The following BMP1 variants were observed in gnomAD, a reference collection of about 807,000 sequenced individuals.
The protein encoded by BMP1 is bone morphogenetic protein 1.
A neutral mutation model predicts 116.8 loss-of-function variants in BMP1; 63 were observed. The ratio of observed to expected loss-of-function variants is 0.54; its 90% CI spans 0.44 to 0.67. The LOEUF (loss-of-function observed/expected upper bound fraction) is 0.67. BMP1 is among the 30% of genes least tolerant of loss of function. The pLI, the probability that BMP1 is intolerant of heterozygous loss-of-function variation, is 0.00. For synonymous variants in BMP1, 536 were observed against 533.4 expected, an observed-to-expected ratio of 1.00 and a Z score of -0.07; for missense variants, 1,183 against 1,358.9, an observed-to-expected ratio of 0.87 and a Z score of 2.04.
chr8:22,204,309 C>T (rs147749168), intron 16 of BMP1, among the ~76,000 whole-genome samples: 124 of 152,306 alleles, frequency 8.1e-4, no homozygotes, highest in Non-Finnish European at 1.4e-3. Context: ...CCCTGTTTTC[C>T]GGGCCCTCGT....
Position 22,207,505 on chromosome 8 carries a change from C to G in BMP1, c.2564C>G (p.Ser855Cys). ...NSVQRKGFQA[S>C]HATECGGQVR... ...GTCCAGCGAAAGGGCTTCCAGGCCT[C>G]CCACGCCACAGGTACTGTCCCCGGT... The change falls in exon 18 of 20, where the codon TCC (serine) becomes TGC (cysteine). Residue 855 changes from serine to cysteine, a missense_variant. This residue lies in a region of BMP1 where 956 missense variants were observed against 1,135.2 expected (regional missense o/e 0.84). Transcript: ENST00000306385. 1 of 1,613,360 alleles carries G rather than the reference C, an allele frequency of 6.2e-7. No homozygotes were observed. Among genetic ancestry groups the G allele is most frequent in the Non-Finnish European group, 8.5e-7 (1 of 1,180,002 alleles).
intron 1 of BMP1, among the ~76,000 whole-genome samples, chr8:22,169,153 C>T (rs1330948910): frequency 1.3e-5 from 2 of 148,374 alleles, no homozygotes; most frequent in African/African-American, 5.0e-5. Flanking sequence ...TGCCGCTGCA[C>T]TCTAGTCTGG....
intron 16 of BMP1, among the ~76,000 whole-genome samples, chr8:22,204,286 G>A (rs1301298611): frequency 6.6e-6 from 1 of 152,170 alleles, no homozygotes; most frequent in East Asian, 1.9e-4. Flanking sequence ...CCTCTACCAG[G>A]GACTTGAGAG....
chr8:22,168,489 C>T (rs567519139), intron 1 of BMP1, among the ~76,000 whole-genome samples: 9 of 152,180 alleles, frequency 5.9e-5, no homozygotes, highest in Non-Finnish European at 1.0e-4. Flanking sequence ...AGAAGCATGT[C>T]ACACCCAGAG....
rs1338670952 is a variant in BMP1 at position 22,184,155 on chromosome 8, A to G, written c.1077+3672A>G. Among the ~76,000 whole-genome samples the G allele has an allele frequency of 2.0e-5, 3 of 152,366 alleles. 1 individual carries two copies. Among genetic ancestry groups the G allele is most frequent in the Middle Eastern group, 3.4e-3 (1 of 294 alleles). On this transcript the variant is annotated intron_variant, in intron 8 of 19. Transcript: ENST00000306385. ...GCACTGGGTCAGCCACCAGGGATGT[A>G]CAGATGCACAAGACGGTCCCTGGCC...
intron 2 of BMP1, among the ~76,000 whole-genome samples, chr8:22,175,683 G>A (rs968401367): frequency 2.0e-5 from 3 of 152,072 alleles, no homozygotes; most frequent in South Asian, 2.1e-4. Context: ...CTCATGCCTC[G>A]AAGAAGCTTA....
chr8:22,173,515 T>G (rs1458691864), intron 1 of BMP1, 87 bp from the exon 2 acceptor site: 4 of 910,538 alleles, frequency 4.4e-6, no homozygotes, highest in Non-Finnish European at 6.6e-6. Context: ...TGGGGGCTGG[T>G]GCCCACAGGG....
rs1186747132 is a variant in BMP1, at chr8:22,172,235, A to G, written c.149-1367A>G. Among the ~76,000 whole-genome samples the G allele has an allele frequency of 2.6e-5, 4 of 152,264 alleles. No homozygotes were observed. The East Asian group carries it at 7.7e-4, about 29-fold the overall frequency. On this transcript the variant is annotated intron_variant, in intron 1 of 19. Coordinates refer to ENST00000306385, the MANE Select transcript of BMP1 (RefSeq NM_006129.5). ...CTGCAGGGAAGCTGCTGTGGGTCCC[A>G]CCTGTAGCCCAGCCTCCCACTTCCC...
At chr8:22,175,995 T>C (rs933307790) in intron 2 of BMP1, 148 bp from the exon 3 acceptor site, 7 of 819,732 alleles carry the variant, frequency 8.5e-6, no homozygotes, top group Middle Eastern at 6.1e-4. Context: ...GTGAAAGCCC[T>C]GAGAGTATTG....
At position 22,207,532 on chromosome 8, in the gene BMP1, G is replaced by A. The variant is rs372310883; in HGVS notation, c.2575+16G>A. 2.4e-5 allele frequency: 38 copies of A among 1,609,930 alleles called. No homozygotes were observed. Among genetic ancestry groups the A allele is most frequent in the Admixed American group, 2.2e-4 (13 of 59,964 alleles). ...CACGCCACAGGTACTGTCCCCGGTT[G>A]TGGGAGTGTTCACTGAGCCTGGTCT... On this transcript the variant is annotated intron_variant, in intron 18 of 19. Coordinates refer to ENST00000306385, the MANE Select transcript of BMP1 (RefSeq NM_006129.5).
chr8:22,203,385 G>T (rs539058979), intron 16 of BMP1, among the ~76,000 whole-genome samples: 2 of 152,040 alleles, frequency 1.3e-5, no homozygotes, highest in African/African-American at 2.4e-5. Context: ...ATGAAAACCC[G>T]TCTCTACTAG....
intron 1 of BMP1, 107 bp downstream of exon 1, chr8:22,165,660 T>A: frequency 8.3e-7 from 1 of 1,209,464 alleles, no homozygotes; most frequent in Non-Finnish European, 1.1e-6. Flanking sequence ...GGGAGCTGCC[T>A]GGTTGGCAAT....
At chr8:22,181,148 T>C (rs1828609664) in intron 8 of BMP1, among the ~76,000 whole-genome samples, 1 of 149,586 alleles carries the variant, frequency 6.7e-6, no homozygotes. Context: ...TGATTTTCTG[T>C]GCCTGGCTCT....
intron 4 of BMP1, 111 bp downstream of exon 4, chr8:22,176,761 C>T (rs973370565): frequency 8.1e-7 from 1 of 1,233,268 alleles, no homozygotes; most frequent in Non-Finnish European, 1.2e-6. Context: ...CCTTTATCCC[C>T]TCCTGCTATG....
chr8:22,182,930 C>T (rs1290044199), intron 8 of BMP1, among the ~76,000 whole-genome samples: 1 of 152,222 alleles, frequency 6.6e-6, no homozygotes, highest in Non-Finnish European at 1.5e-5. Flanking sequence ...ATGGGCTCTC[C>T]TCCTTCTATG....
intron 8 of BMP1, among the ~76,000 whole-genome samples, chr8:22,189,374 G>A (rs753225548): frequency 2.7e-5 from 4 of 150,298 alleles, no homozygotes; most frequent in Non-Finnish European, 5.9e-5. Flanking sequence ...GAATACTATC[G>A]TCTTGATTTC....
In BMP1 at chr8:22,173,728, C is replaced by T. The variant is rs1828350757; in HGVS notation, c.262+13C>T. 1.3e-6 allele frequency: 2 copies of T among 1,595,088 alleles called. No individual in the cohort carries two copies. Among genetic ancestry groups the T allele is most frequent in the Non-Finnish European group, 1.7e-6 (2 of 1,167,352 alleles). Reference sequence around the variant, plus strand: ...ATCAAAGCTGCAGGTAAGCCGGGTGCCAATGGGCCCTCTGTGTCCTAGAAA... The same window carrying T: ...ATCAAAGCTGCAGGTAAGCCGGGTGTCAATGGGCCCTCTGTGTCCTAGAAA... On this transcript the variant is annotated intron_variant, in intron 2 of 19. Coordinates refer to ENST00000306385, the MANE Select transcript of BMP1 (RefSeq NM_006129.5).
Position 22,211,994 on chromosome 8 carries a change from G to A in BMP1, c.*266G>A. 1.9e-6 allele frequency: 1 copy of A among 517,196 alleles called. No individual in the cohort carries two copies. Among genetic ancestry groups the A allele is most frequent in the African/African-American group, 1.9e-5 (1 of 52,566 alleles). 32.0% of individuals were successfully genotyped at this position (517,196 alleles called of 1,614,324 possible). A position where few individuals can be genotyped will look rare whatever the true frequency, so the allele number is the denominator to read the frequency against. On this transcript the variant is annotated 3_prime_UTR_variant, in exon 20 of 20. Transcript: ENST00000306385. The stretch of plus-strand genomic sequence containing the variant: ...TTTCGAAGTCATCATTCCTCTCTTA[G>A]GGGGCCCTGCCTGGTGGCAAGAGGG...
intron 8 of BMP1, among the ~76,000 whole-genome samples, chr8:22,184,639 G>T (rs921363926): frequency 6.6e-6 from 1 of 152,150 alleles, no homozygotes; most frequent in East Asian, 1.9e-4. Flanking sequence ...TAACAATCAG[G>T]TACCACGGAA....
Sources: allele counts gnomAD v4.1 joint callset (sites outside exome capture counted in the v4.1 genomes callset), GRCh38; gene constraint gnomAD v4.1.1; regional missense constraint gnomAD v4.1.1; transcripts MANE v1.5; gene names NCBI Gene and HGNC (gene_info 2026-07-23, HGNC 2026-07-21).